PCDH11X: variants seen among roughly 807,000 people sequenced by gnomAD.
PCDH11X encodes protocadherin 11 X-linked, also known as protocadherin-11 X-linked.
PCDH11X carries 18 observed loss-of-function variants against 53.3 expected under a neutral mutation model. That is an observed-to-expected ratio of 0.34 (90% CI 0.23 to 0.50). The LOEUF (loss-of-function observed/expected upper bound fraction) is 0.50. PCDH11X is among the 20% of genes least tolerant of loss of function. The pLI is 0.98. For synonymous variants in PCDH11X, 279 were observed against 393.3 expected (o/e 0.71, Z 3.44); for missense variants, 570 against 1,032.4 (o/e 0.55, Z 6.14).
chrX:92,189,240 T>C (rs1232253323), intron 6 of PCDH11X, among the ~76,000 whole-genome samples: 3 of 110,802 alleles, frequency 2.7e-5, no homozygotes, highest in African/African-American at 9.8e-5. Flanking sequence ...CCCCAGTGTG[T>C]GTTGTTCCCC....
In PCDH11X at chrX:91,974,774, G is replaced by A. The variant is rs762805887; in HGVS notation, c.3033+95501G>A. 9.3e-5 allele frequency among the ~76,000 whole-genome samples: 10 copies of A among 107,216 alleles called. No individual in the cohort carries two copies. In the South Asian group the frequency reaches 4.1e-3, roughly 44 times the overall value. 93.1% of individuals were successfully genotyped at this position (107,216 alleles called of 115,157 possible). A position where few individuals can be genotyped will look rare whatever the true frequency, so the allele number is the denominator to read the frequency against. ...TTTTTCTTTTCTTTTTTTTTTTTGAGACACTTTCACTCTTGTTGCCCAGGC... is the reference window on the plus strand; with the variant it reads ...TTTTTCTTTTCTTTTTTTTTTTTGAAACACTTTCACTCTTGTTGCCCAGGC... On this transcript the variant is annotated intron_variant, in intron 6 of 10. Coordinates refer to ENST00000682573, the MANE Select transcript of PCDH11X (RefSeq NM_032968.5).
chrX:92,071,783 C>G (rs1388264268), intron 6 of PCDH11X, among the ~76,000 whole-genome samples: 1 of 111,763 alleles, frequency 8.9e-6, no homozygotes, highest in Non-Finnish European at 1.9e-5. Context: ...AATGAAGTCT[C>G]TTTTCCTGTG....
intron 6 of PCDH11X, among the ~76,000 whole-genome samples, chrX:92,174,078 G>A (rs188175366): frequency 7.8e-5 from 8 of 102,814 alleles, no homozygotes; most frequent in African/African-American, 2.9e-4. Flanking sequence ...TTAGAAAGAC[G>A]ATAAAGATCA....
intron 7 of PCDH11X, among the ~76,000 whole-genome samples, chrX:92,215,977 G>T (rs1222025865): frequency 9.0e-6 from 1 of 111,156 alleles, no homozygotes; most frequent in African/African-American, 3.3e-5. Flanking sequence ...AACTCCAACA[G>T]ACCTGAAGCT....
chrX:92,089,453 A>G (rs2064011157), intron 6 of PCDH11X, among the ~76,000 whole-genome samples: 1 of 112,385 alleles, frequency 8.9e-6, no homozygotes, highest in Non-Finnish European at 1.9e-5. Flanking sequence ...TATCTGAAAT[A>G]AAATAAAAAC....
intron 6 of PCDH11X, among the ~76,000 whole-genome samples, chrX:92,004,768 CTTTTT>C (rs1171124073): frequency 7.0e-5 from 4 of 57,155 alleles, no homozygotes; most frequent in Non-Finnish European, 1.2e-4. Flanking sequence ...CTATGTGTGC[CTTTTT>C]TTTTTTTTTT....
At chrX:92,432,111 T>C (rs1292147179) in intron 9 of PCDH11X, among the ~76,000 whole-genome samples, 5 of 110,350 alleles carry the variant, frequency 4.5e-5, no homozygotes, top group Non-Finnish European at 9.5e-5. Context: ...ATTACCAGTA[T>C]TGCCCTTGTT....
In PCDH11X at chrX:91,779,422, A is replaced by C. The variant is rs1935051060; in HGVS notation, c.-641A>C. 9.3e-6 allele frequency: 1 copy of C among 107,938 alleles called. No homozygotes were observed. 8.9% of individuals were successfully genotyped at this position (107,938 alleles called of 1,213,427 possible). ...GGGAGGAGCCGTGAGCAGTAGCTGCACTCAGCTGCCCGCGCGGCAAAGAGG... is the reference window on the plus strand; with the variant it reads ...GGGAGGAGCCGTGAGCAGTAGCTGCCCTCAGCTGCCCGCGCGGCAAAGAGG... On this transcript the variant is annotated 5_prime_UTR_variant, in exon 1 of 11. Coordinates refer to ENST00000682573, the MANE Select transcript of PCDH11X (RefSeq NM_032968.5).
At chrX:92,252,467 A>G (rs1284866866) in intron 7 of PCDH11X, among the ~76,000 whole-genome samples, 3 of 111,058 alleles carry the variant, frequency 2.7e-5, no homozygotes, top group African/African-American at 9.8e-5. Flanking sequence ...ACAAATATGT[A>G]TTGAGGATTT....
At chrX:92,499,069 T>C (rs1190857293) in intron 10 of PCDH11X, among the ~76,000 whole-genome samples, 1 of 100,660 alleles carries the variant, frequency 9.9e-6, no homozygotes, top group African/African-American at 3.5e-5. Flanking sequence ...TTTACCACCT[T>C]GAAAATTCTT....
At chrX:91,859,726 AT>A (rs1411940471) in intron 5 of PCDH11X, among the ~76,000 whole-genome samples, 1 of 92,023 alleles carries the variant, frequency 1.1e-5, no homozygotes, top group Non-Finnish European at 2.1e-5. Context: ...CCCTTTCCCC[AT>A]TGCTTGTTTT....
intron 6 of PCDH11X, among the ~76,000 whole-genome samples, chrX:91,976,471 G>A (rs1602602385): frequency 8.9e-6 from 1 of 111,838 alleles, no homozygotes; most frequent in East Asian, 2.8e-4. Context: ...TAAGGGTATT[G>A]AATGATAGAC....
At chrX:92,096,010 C>T (rs1447773639) in intron 6 of PCDH11X, among the ~76,000 whole-genome samples, 2 of 111,736 alleles carry the variant, frequency 1.8e-5, no homozygotes, top group East Asian at 5.6e-4. Flanking sequence ...TAGACAAGTT[C>T]TTGAATATAC....
rs767636431 is a variant in PCDH11X at position 91,859,796 on chromosome X, T to C, written c.541-16985T>C. On this transcript the variant is annotated intron_variant, in intron 5 of 10. Coordinates refer to ENST00000682573, the MANE Select transcript of PCDH11X (RefSeq NM_032968.5). Reference sequence around the variant, plus strand: ...GTAGGTGTGCAGTCTTATTTCTGAGTTCTCTATTCTGTTGCATTTGTCTAT... The same window carrying C: ...GTAGGTGTGCAGTCTTATTTCTGAGCTCTCTATTCTGTTGCATTTGTCTAT... Among the ~76,000 whole-genome samples, 417 of 105,709 alleles carry C rather than the reference T, an allele frequency of 3.9e-3. 4 individuals are homozygous for C. The highest frequency in any genetic ancestry group is 0.014 in the African/African-American group (405 of 29,130). 91.8% of individuals were successfully genotyped at this position (105,709 alleles called of 115,157 possible).
Position 92,142,163 on chromosome X carries a change from T to A in PCDH11X, c.3034-59212T>A, listed in dbSNP as rs865919266. ...AGTGCTAAATTATTATTATTATTTTTTTTTTTTTTTGAGATGGAGTTTTGC... is the reference window on the plus strand; with the variant it reads ...AGTGCTAAATTATTATTATTATTTTATTTTTTTTTTGAGATGGAGTTTTGC... On this transcript the variant is annotated intron_variant, in intron 6 of 10. Coordinates refer to ENST00000682573, the MANE Select transcript of PCDH11X (RefSeq NM_032968.5). Among the ~76,000 whole-genome samples the A allele has an allele frequency of 2.7e-3, 289 of 107,671 alleles. 1 individual carries two copies. Among genetic ancestry groups the A allele is most frequent in the African/African-American group, 9.0e-3 (267 of 29,612 alleles). The allele number at this position is 107,671 out of a possible 115,157, so 93.5% of individuals were successfully genotyped here.
At position 91,931,510 on chromosome X, in the gene PCDH11X, T is replaced by C. The variant is rs1409761094; in HGVS notation, c.3033+52237T>C. On this transcript the variant is annotated intron_variant, in intron 6 of 10. Coordinates refer to ENST00000682573, the MANE Select transcript of PCDH11X (RefSeq NM_032968.5). ...GCACTAAAATTGAAAAAGCAAAGGA[T>C]ATGTGGACACTGACAGACTGCTCTA... is the stretch of plus-strand genomic sequence containing the variant. Among the ~76,000 whole-genome samples the C allele has an allele frequency of 2.3e-4, 25 of 110,729 alleles. 1 individual carries two copies. Among genetic ancestry groups the C allele is most frequent in the Admixed American group, 1.5e-3 (16 of 10,362 alleles).
chrX:92,232,233 C>T (rs1483989359), intron 7 of PCDH11X, among the ~76,000 whole-genome samples: 1 of 111,146 alleles, frequency 9.0e-6, no homozygotes, highest in African/African-American at 3.3e-5. Flanking sequence ...AAGCCATGAT[C>T]ACTGTGTTCA....
intron 10 of PCDH11X, among the ~76,000 whole-genome samples, chrX:92,471,064 T>A (rs2073251835): frequency 9.5e-6 from 1 of 105,230 alleles, no homozygotes; most frequent in African/African-American, 3.5e-5. Context: ...AGTGAAACCC[T>A]CTGGTCCTCA....
At chrX:92,066,874 T>C (rs1221799222) in intron 6 of PCDH11X, among the ~76,000 whole-genome samples, 19 of 112,011 alleles carry the variant, frequency 1.7e-4, no homozygotes, top group Non-Finnish European at 2.8e-4. Flanking sequence ...GAGGCCAAGG[T>C]GAGCAGATAA....
Sources: allele counts gnomAD v4.1 joint callset (sites outside exome capture counted in the v4.1 genomes callset), GRCh38; gene constraint gnomAD v4.1.1; transcripts MANE v1.5; gene names NCBI Gene and HGNC (gene_info 2026-07-23, HGNC 2026-07-21).